SCUBE1: variants seen among roughly 807,000 people sequenced by gnomAD.
SCUBE1 encodes the protein signal peptide, CUB domain and EGF like domain containing 1.
Under a neutral mutation model 124.4 loss-of-function variants are expected in SCUBE1, and 59 were observed. The observed-to-expected ratio is 0.47, with a 90% CI of 0.38 to 0.59. The LOEUF (loss-of-function observed/expected upper bound fraction) is 0.59. Ranked by LOEUF, SCUBE1 falls within the 20% of genes least tolerant of loss-of-function variation. SCUBE1 has a pLI of 0.00. For missense variants in SCUBE1, 1,150 were observed against 1,371.2 expected, an observed-to-expected ratio of 0.84 and a Z score of 2.55; for synonymous variants, 545 against 550.9, an observed-to-expected ratio of 0.99 and a Z score of 0.15.
intron 2 of SCUBE1, among the ~76,000 whole-genome samples, chr22:43,326,758 C>T (rs1011129808): frequency 3.9e-5 from 6 of 152,110 alleles, no homozygotes; most frequent in Non-Finnish European, 8.8e-5. Flanking sequence ...GTTGGAGCTG[C>T]TCAGTGACCT....
At chr22:43,239,322 C>A (rs1922903489) in intron 6 of SCUBE1, among the ~76,000 whole-genome samples, 1 of 152,256 alleles carries the variant, frequency 6.6e-6, no homozygotes, top group Non-Finnish European at 1.5e-5. Flanking sequence ...AAAACTTTGA[C>A]CTGCCTGGAC....
In SCUBE1 at chr22:43,210,851, C is replaced by T. The variant is rs1486900492; in HGVS notation, c.2383+71G>A. 3.2e-6 allele frequency: 5 copies of T among 1,565,502 alleles called. No individual in the cohort carries two copies. The highest frequency in any genetic ancestry group is 1.1e-5 in the South Asian group (1 of 88,100). ...GTGGAGCTCGTGTGAGATCAGGTCTCCTCCCGCCCCCACAACCTGCCCAGC... is the reference window on the plus strand; with the variant it reads ...GTGGAGCTCGTGTGAGATCAGGTCTTCTCCCGCCCCCACAACCTGCCCAGC... On this transcript the variant is annotated intron_variant, in intron 18 of 21. Transcript: ENST00000360835. The surrounding 1 kb of genome is among the most constrained non-coding windows in gnomAD (Gnocchi z 4.5).
chr22:43,281,540 T>TTTGGC (rs1569011071), intron 4 of SCUBE1, among the ~76,000 whole-genome samples: 811 of 40,444 alleles, frequency 0.02, 32 homozygotes, highest in East Asian at 0.13. Flanking sequence ...CCTCCCTCAG[T>TTTGGC]CACCCTCCTG....
At position 43,258,253 on chromosome 22, in the gene SCUBE1, C is replaced by T. The variant is rs1367315829; in HGVS notation, c.693G>A (p.Lys231=). The change falls in exon 6 of 22, where the codon AAG becomes AAA. Residue 231 remains lysine, a synonymous_variant. Transcript: ENST00000360835. The surrounding 1 kb of genome is among the most constrained non-coding windows in gnomAD (Gnocchi z 5.0). ...DTGPTCGCHQ[K]YALHSDGRTC... is the part of the protein sequence containing the mutation. ...TGCGACCGTCTGAGTGGAGGGCGTA[C>T]TTCTGGTGGCAACCACACGTGGGGC... is the stretch of plus-strand genomic sequence containing the variant. 6.2e-7 allele frequency: 1 copy of T among 1,614,062 alleles called. No individual in the cohort carries two copies. The highest frequency in any genetic ancestry group is 1.3e-5 in the African/African-American group (1 of 75,058).
At chr22:43,278,724 T>A (rs998183880) in intron 4 of SCUBE1, among the ~76,000 whole-genome samples, 1 of 152,196 alleles carries the variant, frequency 6.6e-6, no homozygotes, top group Non-Finnish European at 1.5e-5. Context: ...ATCCAGCCCC[T>A]GATCCTGAAG....
At chr22:43,284,050 G>C (rs556555823) in intron 4 of SCUBE1, among the ~76,000 whole-genome samples, 257 of 152,352 alleles carry the variant, frequency 1.7e-3, no homozygotes, top group Non-Finnish European at 3.0e-3. Context: ...CAGCAAGCCC[G>C]AGCCCGCAGG....
intron 6 of SCUBE1, among the ~76,000 whole-genome samples, chr22:43,243,576 G>A (rs892326237): frequency 2.0e-5 from 3 of 152,226 alleles, no homozygotes; most frequent in African/African-American, 7.2e-5. Context: ...CTTTGGGTTG[G>A]CACTGCCTGC....
At chr22:43,246,554 G>T (rs1280422369) in intron 6 of SCUBE1, among the ~76,000 whole-genome samples, 1 of 152,246 alleles carries the variant, frequency 6.6e-6, no homozygotes. Flanking sequence ...CCCCTGGAGG[G>T]GAAGGGGTGT....
At chr22:43,310,197 A>G (rs1347932594) in intron 3 of SCUBE1, among the ~76,000 whole-genome samples, 1 of 151,036 alleles carries the variant, frequency 6.6e-6, no homozygotes, top group Admixed American at 6.6e-5. Context: ...CCATCCCCAA[A>G]CTCCTAACAG....
At chr22:43,214,741 G>A (rs1921734321) in intron 15 of SCUBE1, among the ~76,000 whole-genome samples, 2 of 152,236 alleles carry the variant, frequency 1.3e-5, no homozygotes, top group Admixed American at 6.5e-5. Context: ...GGTGGGAGGG[G>A]CGTAGCGAGG....
At chr22:43,214,581 T>C (rs2146659317) in intron 15 of SCUBE1, among the ~76,000 whole-genome samples, 1 of 152,338 alleles carries the variant, frequency 6.6e-6, no homozygotes, top group African/African-American at 2.4e-5. Context: ...GCCCTCCAGC[T>C]TTAGCAAACT....
chr22:43,281,910 G>A (rs557208922), intron 4 of SCUBE1: 1 of 152,646 alleles, frequency 6.6e-6, no homozygotes, highest in South Asian at 2.1e-4. Flanking sequence ...CCTGGCTTCA[G>A]GCTCCTGGGC....
At chr22:43,237,703 T>C (rs1922824389) in intron 7 of SCUBE1, 1 of 152,256 alleles carries the variant, frequency 6.6e-6, no homozygotes, top group South Asian at 2.1e-4. Context: ...AATACATTTA[T>C]TTTTACAGGC....
chr22:43,221,714 G>A (rs1922098184), intron 12 of SCUBE1, among the ~76,000 whole-genome samples: 2 of 152,252 alleles, frequency 1.3e-5, no homozygotes, highest in South Asian at 4.1e-4. Flanking sequence ...CATAGCCCTT[G>A]GACTAAAGAA....
chr22:43,343,148 G>T, intron 1 of SCUBE1, 26 bp downstream of exon 1: 1 of 1,123,424 alleles, frequency 8.9e-7, no homozygotes, highest in Non-Finnish European at 1.1e-6. Flanking sequence ...CGCGCCCGCC[G>T]CCCCCCACCT....
intron 6 of SCUBE1, among the ~76,000 whole-genome samples, chr22:43,252,527 C>T (rs1923493190): frequency 6.6e-6 from 1 of 152,194 alleles, no homozygotes; most frequent in Admixed American, 6.5e-5. Context: ...CTGTGAAACT[C>T]CTCAGTGTCT....
At chr22:43,339,351 T>C (rs1421063321) in intron 1 of SCUBE1, 116 bp from the exon 2 acceptor site, 20 of 1,000,318 alleles carry the variant, frequency 2.0e-5, no homozygotes, top group Middle Eastern at 2.2e-4. Flanking sequence ...GGTGGGCTCA[T>C]TGGCAATAAC....
chr22:43,228,199 G>A (rs1449625584), intron 9 of SCUBE1, among the ~76,000 whole-genome samples: 1 of 152,196 alleles, frequency 6.6e-6, no homozygotes, highest in Admixed American at 6.5e-5. Context: ...AGAAAAGGAA[G>A]AGAGAGGGGG....
At chr22:43,324,420 C>T (rs769264546) in intron 2 of SCUBE1, among the ~76,000 whole-genome samples, 7 of 152,202 alleles carry the variant, frequency 4.6e-5, no homozygotes, top group Admixed American at 3.3e-4. Flanking sequence ...CTCAGAACAA[C>T]CAGTTCCTCT....
Sources: allele counts gnomAD v4.1 joint callset (sites outside exome capture counted in the v4.1 genomes callset), GRCh38; gene constraint gnomAD v4.1.1; non-coding constraint Gnocchi (gnomAD v3.1); transcripts MANE v1.5; gene names NCBI Gene and HGNC (gene_info 2026-07-23, HGNC 2026-07-21).